The following ZNF385B variants were observed in gnomAD, a reference collection of about 807,000 sequenced individuals.
The protein encoded by ZNF385B is zinc finger protein 533.
A neutral mutation model predicts 39.2 loss-of-function variants in ZNF385B; 23 were observed. The ratio of observed to expected loss-of-function variants is 0.59; its 90% CI spans 0.42 to 0.83. The LOEUF (loss-of-function observed/expected upper bound fraction) is 0.83. ZNF385B is among the 40% of genes least tolerant of loss of function. The pLI, the probability that ZNF385B is intolerant of heterozygous loss-of-function variation, is 0.00. For missense variants in ZNF385B, 552 were observed against 598.9 expected, an observed-to-expected ratio of 0.92 and a Z score of 0.82; for synonymous variants, 205 against 222.6, an observed-to-expected ratio of 0.92 and a Z score of 0.70.
intron 5 of ZNF385B, among the ~76,000 whole-genome samples, chr2:179,484,940 A>G (rs11885574): frequency 0.29 from 44,430 of 151,734 alleles, 6,733 homozygotes; most frequent in East Asian, 0.38. Context: ...TGAGGGCTAT[A>G]GCTGGAGAAG....
At chr2:179,571,454 A>G (rs1685206638) in intron 3 of ZNF385B, among the ~76,000 whole-genome samples, 1 of 152,166 alleles carries the variant, frequency 6.6e-6, no homozygotes, top group South Asian at 2.1e-4. Flanking sequence ...TCAGCAGATG[A>G]GGCACTCTGC....
chr2:179,522,967 G>A (rs1425251523), intron 4 of ZNF385B: 3 of 382,286 alleles, frequency 7.8e-6, no homozygotes, highest in Non-Finnish European at 1.6e-5. Context: ...TTTGAGGCTA[G>A]GAAGCACAAT....
intron 3 of ZNF385B, among the ~76,000 whole-genome samples, chr2:179,602,779 T>C (rs920897001): frequency 6.6e-6 from 1 of 152,142 alleles, no homozygotes; most frequent in African/African-American, 2.4e-5. Context: ...GTTATGATAA[T>C]TCAAATGTTA....
At chr2:179,456,816 AT>A (rs2050756655) in intron 6 of ZNF385B, among the ~76,000 whole-genome samples, 1 of 152,210 alleles carries the variant, frequency 6.6e-6, no homozygotes, top group Non-Finnish European at 1.5e-5. Context: ...ACCAAGCACT[AT>A]TTTAAGAATT....
At chr2:179,517,781 CCTG>C (rs1404997387) in intron 5 of ZNF385B, among the ~76,000 whole-genome samples, 2 of 151,974 alleles carry the variant, frequency 1.3e-5, no homozygotes, top group Non-Finnish European at 2.9e-5. Context: ...ATTTTGCTTT[CCTG>C]CTATTTTGTT....
At chr2:179,535,788 G>C (rs1025973136) in intron 4 of ZNF385B, among the ~76,000 whole-genome samples, 2 of 152,198 alleles carry the variant, frequency 1.3e-5, no homozygotes, top group Non-Finnish European at 2.9e-5. Flanking sequence ...CAAAGATGTT[G>C]AAACTTCACA....
intron 4 of ZNF385B, among the ~76,000 whole-genome samples, chr2:179,520,467 G>T (rs2058406769): frequency 6.6e-6 from 1 of 152,018 alleles, no homozygotes. Context: ...ATGTGACAAA[G>T]AAAATCTCAA....
At chr2:179,812,359 T>C (rs1177102285) in intron 1 of ZNF385B, among the ~76,000 whole-genome samples, 1 of 152,210 alleles carries the variant, frequency 6.6e-6, no homozygotes, top group African/African-American at 2.4e-5. Context: ...ATTGCAGCAC[T>C]GTTCACGATA....
chr2:179,735,494 A>G (rs1235659909), intron 3 of ZNF385B, among the ~76,000 whole-genome samples: 2 of 128,502 alleles, frequency 1.6e-5, no homozygotes, highest in African/African-American at 2.9e-5. Flanking sequence ...GGGATCTAGA[A>G]CTAGAAATAC....
At chr2:179,569,080 C>T (rs1462930130) in intron 3 of ZNF385B, among the ~76,000 whole-genome samples, 1 of 152,124 alleles carries the variant, frequency 6.6e-6, no homozygotes, top group Non-Finnish European at 1.5e-5. Flanking sequence ...AAAGGAAGAA[C>T]TTGCTATTAC....
At chr2:179,487,808 TAGAA>T (rs999252472) in intron 5 of ZNF385B, among the ~76,000 whole-genome samples, 1 of 152,206 alleles carries the variant, frequency 6.6e-6, no homozygotes, top group African/African-American at 2.4e-5. Context: ...TTGCCAGAAT[TAGAA>T]AGAGTCGCCC....
chr2:179,752,723 T>C (rs79883976), intron 3 of ZNF385B, among the ~76,000 whole-genome samples: 19,592 of 152,060 alleles, frequency 0.13, 1,519 homozygotes, highest in Middle Eastern at 0.27. Flanking sequence ...GGCTGCATAA[T>C]TGTCTTCTTT....
At chr2:179,542,177 T>C (rs1486109577) in intron 4 of ZNF385B, among the ~76,000 whole-genome samples, 1 of 152,134 alleles carries the variant, frequency 6.6e-6, no homozygotes, top group Non-Finnish European at 1.5e-5. Context: ...AGAATGGAAA[T>C]GTCTGTAGGA....
chr2:179,852,757 C>T (rs1214516152), intron 1 of ZNF385B, among the ~76,000 whole-genome samples: 1 of 152,190 alleles, frequency 6.6e-6, no homozygotes, highest in Non-Finnish European at 1.5e-5. Flanking sequence ...GGGATACTTA[C>T]TTAGATTACT....
chr2:179,734,875 T>A (rs943805376), intron 3 of ZNF385B, among the ~76,000 whole-genome samples: 1 of 151,990 alleles, frequency 6.6e-6, no homozygotes, highest in African/African-American at 2.4e-5. Flanking sequence ...TATAGAAAAA[T>A]CAATTCAAGA....
At chr2:179,780,691 G>A (rs1559188670) in intron 1 of ZNF385B, among the ~76,000 whole-genome samples, 1 of 151,978 alleles carries the variant, frequency 6.6e-6, no homozygotes, top group Non-Finnish European at 1.5e-5. Context: ...TCACAATAGG[G>A]TATTCTTCCT....
At chr2:179,790,697 C>A (rs1359483618) in intron 1 of ZNF385B, among the ~76,000 whole-genome samples, 1 of 152,152 alleles carries the variant, frequency 6.6e-6, no homozygotes, top group African/African-American at 2.4e-5. Context: ...AACAAATACT[C>A]TCATGGTCAT....
At chr2:179,493,479 A>G (rs1243167988) in intron 5 of ZNF385B, among the ~76,000 whole-genome samples, 4 of 111,152 alleles carry the variant, frequency 3.6e-5, no homozygotes, top group Non-Finnish European at 8.0e-5. Context: ...GCATGTGTAC[A>G]CATATGTATA....
rs752800903 is a variant in ZNF385B, at chr2:179,446,631, G to A, written c.855C>T (p.Pro285=). Residue 285 remains proline (P), a synonymous_variant, in exon 7 of 10, where the codon CCC becomes CCT. Coordinates refer to ENST00000410066, the MANE Select transcript of ZNF385B (RefSeq NM_152520.6). ...CTTCTTCTGATTCAACAACAGTACCGGGAGCTCCATTTGTGCTCTTGGAGG... is the reference window on the plus strand; with the variant it reads ...CTTCTTCTGATTCAACAACAGTACCAGGAGCTCCATTTGTGCTCTTGGAGG... The part of the protein sequence containing the change: ...TSPSKSTNGA[P]GTVVESEEEK... The A allele has an allele frequency of 1.1e-5, 18 of 1,613,950 alleles. No homozygotes were observed. In the East Asian group the frequency reaches 1.8e-4, roughly 16 times the overall value.
Sources: gnomAD v4.1 joint callset for allele counts (sites outside exome capture counted in the v4.1 genomes callset) on GRCh38, gnomAD v4.1.1 for gene constraint, MANE v1.5 for transcripts, NCBI Gene and HGNC (gene_info 2026-07-23, HGNC 2026-07-21) for gene names.